KCNK2: variants seen among roughly 807,000 people sequenced by gnomAD.
KCNK2 encodes the protein potassium channel subfamily K member 2.
KCNK2 carries 21 observed loss-of-function variants against 40.5 expected under a neutral mutation model. That is an observed-to-expected ratio of 0.52 (90% CI 0.37 to 0.75). The LOEUF is 0.75. Among genes scored for constraint, KCNK2 ranks in the 30% least tolerant of loss-of-function variants. The probability of loss-of-function intolerance (pLI) is 0.00; values close to 1 mark genes in which losing one functional copy is unlikely to be tolerated. For synonymous variants in KCNK2, 191 were observed against 202.2 expected, an observed-to-expected ratio of 0.94 and a Z score of 0.47; for missense variants, 399 against 531.6, an observed-to-expected ratio of 0.75 and a Z score of 2.45.
At chr1:215,182,841 T>A (rs1377811668) in intron 5 of KCNK2, among the ~76,000 whole-genome samples, 2 of 152,180 alleles carry the variant, frequency 1.3e-5, no homozygotes, top group Non-Finnish European at 2.9e-5. Flanking sequence ...TCCCAGTGCC[T>A]TTCCCTCACT....
intron 1 of KCNK2, among the ~76,000 whole-genome samples, chr1:215,040,411 C>T (rs559186577): frequency 6.6e-6 from 1 of 152,246 alleles, no homozygotes; most frequent in South Asian, 2.1e-4. Flanking sequence ...GAGCCTGGGC[C>T]AGTTTGACTT....
At chr1:215,075,935 C>A (rs1473583549) in intron 1 of KCNK2, among the ~76,000 whole-genome samples, 1 of 152,190 alleles carries the variant, frequency 6.6e-6, no homozygotes, top group African/African-American at 2.4e-5. Flanking sequence ...TGGCCCACCC[C>A]CCAGGCAAGA....
Position 215,236,590 on chromosome 1 carries a change from G to A in KCNK2, c.*1445G>A, listed in dbSNP as rs772656232. The A allele has an allele frequency of 6.6e-6, 1 of 152,118 alleles. No individual in the cohort carries two copies. Among genetic ancestry groups the A allele is most frequent in the Admixed American group, 6.6e-5 (1 of 15,210 alleles). The allele number at this position is 152,118 out of a possible 1,614,324, so 9.4% of individuals were successfully genotyped here. A position where few individuals can be genotyped will look rare whatever the true frequency, so the allele number is the denominator to read the frequency against. ...TTTTATATCCTGTAATTCTTTGGAT[G>A]GTTCCAAGATTCAGAAAAAATTCAG... On this transcript the variant is annotated 3_prime_UTR_variant, in exon 7 of 7. Transcript: ENST00000444842.
chr1:215,127,659 GCAAAAGCCAT>G lies in KCNK2; in HGVS notation c.475+2910_475+2919del, dbSNP rs957823441. ...TGCTGTGGTTTCCAGCTCAGTCAGA[GCAAAAGCCAT>G]AGTCCCTTGCTGATTTTTCATAGTA... On this transcript the variant is annotated intron_variant, in intron 3 of 6. Coordinates refer to ENST00000444842, the MANE Select transcript of KCNK2 (RefSeq NM_001017425.3). Among the ~76,000 whole-genome samples the G allele has an allele frequency of 2.3e-4, 35 of 152,272 alleles. 1 individual carries two copies. The highest frequency in any genetic ancestry group is 1.5e-3 in the South Asian group (7 of 4,826).
At chr1:215,214,259 G>A (rs569514339) in intron 6 of KCNK2, among the ~76,000 whole-genome samples, 2 of 152,112 alleles carry the variant, frequency 1.3e-5, no homozygotes, top group Non-Finnish European at 2.9e-5. Flanking sequence ...GATTTGCATG[G>A]CTGCAACAGG....
chr1:215,008,360 A>T (rs1043526610), intron 1 of KCNK2, among the ~76,000 whole-genome samples: 4 of 152,090 alleles, frequency 2.6e-5, no homozygotes, highest in Non-Finnish European at 5.9e-5. Context: ...GAGCCATCTA[A>T]AAATTTGTTG....
At chr1:215,213,347 G>A (rs1424303613) in intron 6 of KCNK2, among the ~76,000 whole-genome samples, 5 of 152,114 alleles carry the variant, frequency 3.3e-5, no homozygotes, top group African/African-American at 7.2e-5. Flanking sequence ...AGTGGCTCAC[G>A]CCTGTAATTC....
At chr1:215,017,398 T>G (rs868541237) in intron 1 of KCNK2, among the ~76,000 whole-genome samples, 2 of 152,118 alleles carry the variant, frequency 1.3e-5, no homozygotes, top group Admixed American at 1.3e-4. Flanking sequence ...AATAGAATAC[T>G]GTTTAGCTGT....
intron 3 of KCNK2, among the ~76,000 whole-genome samples, chr1:215,166,104 CT>C (rs1476625388): frequency 6.6e-6 from 1 of 152,096 alleles, no homozygotes; most frequent in Non-Finnish European, 1.5e-5. Context: ...TATTGAATTC[CT>C]TGTTATGTAA....
intron 2 of KCNK2, among the ~76,000 whole-genome samples, chr1:215,112,241 A>C (rs1366519919): frequency 6.6e-6 from 1 of 151,680 alleles, no homozygotes; most frequent in Non-Finnish European, 1.5e-5. Flanking sequence ...CCAGTGAGAC[A>C]TGATTAAGGT....
intron 3 of KCNK2, among the ~76,000 whole-genome samples, chr1:215,130,807 A>G (rs1253199421): frequency 6.6e-6 from 1 of 152,204 alleles, no homozygotes; most frequent in East Asian, 1.9e-4. Context: ...TCCTCTCAGA[A>G]TAATGCTTTA....
chr1:215,093,746 A>T (rs1240141765), intron 2 of KCNK2, among the ~76,000 whole-genome samples: 791 of 65,564 alleles, frequency 0.012, 27 homozygotes, highest in African/African-American at 0.066. Context: ...TAATATAAAA[A>T]TATATTATAT....
chr1:215,012,678 G>T (rs1656450088), intron 1 of KCNK2, among the ~76,000 whole-genome samples: 1 of 143,938 alleles, frequency 6.9e-6, no homozygotes. Context: ...TAGAGTCAGT[G>T]CCTTGCTATG....
intron 4 of KCNK2, among the ~76,000 whole-genome samples, 166 bp from the exon 5 acceptor site, chr1:215,171,826 GAAAAT>G (rs1663721469): frequency 6.6e-6 from 1 of 151,946 alleles, no homozygotes; most frequent in Non-Finnish European, 1.5e-5. Context: ...AAGTGTAAAA[GAAAAT>G]AAAATAACAT....
intron 1 of KCNK2, among the ~76,000 whole-genome samples, chr1:215,038,857 C>A (rs1308318987): frequency 1.1e-4 from 16 of 152,030 alleles, no homozygotes; most frequent in Admixed American, 9.8e-4. Flanking sequence ...TTTCTCCTCT[C>A]TCTCTCTTCT....
chr1:215,139,799 C>T (rs192525617), intron 3 of KCNK2, among the ~76,000 whole-genome samples: 140 of 151,838 alleles, frequency 9.2e-4, no homozygotes, highest in Admixed American at 1.5e-3. Context: ...CCTTTTTCCC[C>T]GATTTTTAAA....
chr1:215,167,809 G>A (rs1031917810), intron 3 of KCNK2, among the ~76,000 whole-genome samples: 5 of 152,056 alleles, frequency 3.3e-5, no homozygotes, highest in Admixed American at 2.0e-4. Context: ...ATCAGCAATA[G>A]AGAGATAGAA....
In KCNK2 at chr1:215,235,656, A is replaced by C. The variant is rs1459984861; in HGVS notation, c.*511A>C. Reference sequence around the variant, plus strand: ...TGAAGAAACAGAACCTCTCTAGCTAATGTGTGGTTTCTCCTTCCCTGCCCC... The same window carrying C: ...TGAAGAAACAGAACCTCTCTAGCTACTGTGTGGTTTCTCCTTCCCTGCCCC... On this transcript the variant is annotated 3_prime_UTR_variant, in exon 7 of 7. Coordinates refer to ENST00000444842, the MANE Select transcript of KCNK2 (RefSeq NM_001017425.3). 1 of 153,110 alleles carries C rather than the reference A, an allele frequency of 6.5e-6. No individual in the cohort carries two copies. Among genetic ancestry groups the C allele is most frequent in the Non-Finnish European group, 1.5e-5 (1 of 68,416 alleles). 9.5% of individuals were successfully genotyped at this position (153,110 alleles called of 1,614,324 possible). A position where few individuals can be genotyped will look rare whatever the true frequency, so the allele number is the denominator to read the frequency against.
intron 1 of KCNK2, among the ~76,000 whole-genome samples, chr1:215,044,818 TGTGTGTGTGCGC>T (rs1350822951): frequency 1.6e-5 from 1 of 63,704 alleles, no homozygotes; most frequent in Non-Finnish European, 3.7e-5. Context: ...TGTGTGTGTG[TGTGTGTGTGCGC>T]GCGCACACGT....
Sources: gnomAD v4.1 joint callset for allele counts (sites outside exome capture counted in the v4.1 genomes callset) on GRCh38, gnomAD v4.1.1 for gene constraint, MANE v1.5 for transcripts, NCBI Gene and HGNC (gene_info 2026-07-23, HGNC 2026-07-21) for gene names.